The following CNOT6 variants were observed in gnomAD, a reference collection of about 807,000 sequenced individuals.
The protein encoded by CNOT6 is CCR4-NOT transcription complex subunit 6.
In CNOT6, 12 loss-of-function variants were observed where a neutral mutation model predicts 61.2. The ratio of observed to expected loss-of-function variants is 0.20; its 90% CI spans 0.13 to 0.32. CNOT6 has a LOEUF of 0.32. Among genes scored for constraint, CNOT6 ranks in the 10% least tolerant of loss-of-function variants. The probability of loss-of-function intolerance (pLI) is 1.00; values close to 1 mark genes in which losing one functional copy is unlikely to be tolerated. For synonymous variants in CNOT6, 225 were observed against 240.6 expected (o/e 0.94, Z 0.60); for missense variants, 405 against 663.9 (o/e 0.61, Z 4.28).
rs70973940 is a variant in CNOT6 at position 180,566,640 on chromosome 5, CTTTTTTTTTTTTT to C, written c.718-433_718-421del. On this transcript the variant is annotated intron_variant, in intron 7 of 11. Transcript: ENST00000261951. Reference sequence around the variant, plus strand: ...GATAAATAGTGTTGAAAAGATGTTACTTTTTTTTTTTTTTTTTTTTTTTTTTTGGGTGGTGGGG... The same window carrying C: ...GATAAATAGTGTTGAAAAGATGTTACTTTTTTTTTTTTTTGGGTGGTGGGG... Among the ~76,000 whole-genome samples, 24 of 75,592 alleles carry C rather than the reference CTTTTTTTTTTTTT, an allele frequency of 3.2e-4. No individual in the cohort carries two copies. The East Asian group carries it at 3.8e-3, about 12-fold the overall frequency. The allele number at this position is 75,592 out of a possible 152,430, so 49.6% of individuals were successfully genotyped here.
At chr5:180,517,122 A>C (rs1462381641) in intron 1 of CNOT6, among the ~76,000 whole-genome samples, 2 of 152,156 alleles carry the variant, frequency 1.3e-5, no homozygotes, top group African/African-American at 4.8e-5. Flanking sequence ...TATTCATCTA[A>C]TGCTTTTAAC....
intron 1 of CNOT6, among the ~76,000 whole-genome samples, chr5:180,506,060 G>A (rs1757122584): frequency 6.6e-6 from 1 of 152,192 alleles, no homozygotes; most frequent in Non-Finnish European, 1.5e-5. Flanking sequence ...GGTCTTGCAA[G>A]TGATAGAATT....
chr5:180,522,113 C>T (rs917478356), intron 1 of CNOT6, among the ~76,000 whole-genome samples: 4 of 151,798 alleles, frequency 2.6e-5, no homozygotes, highest in Admixed American at 6.6e-5. Context: ...TTATTTTTAT[C>T]TGTCTGTCTA....
rs907080893 is a variant in CNOT6 at position 180,494,914 on chromosome 5, C to T, written c.-3+151C>T. On this transcript the variant is annotated intron_variant, in intron 1 of 11. Transcript: ENST00000261951. Reference sequence around the variant, plus strand: ...TCCGCAAGCTGGCGGCTGTTGGGGGCCCCTTCGACGCGCCGCGATCGCGCC... The same window carrying T: ...TCCGCAAGCTGGCGGCTGTTGGGGGTCCCTTCGACGCGCCGCGATCGCGCC... Among the ~76,000 whole-genome samples the T allele has an allele frequency of 2.4e-4, 36 of 151,942 alleles. 1 individual carries two copies. Among genetic ancestry groups the T allele is most frequent in the Non-Finnish European group, 1.2e-4 (8 of 67,912 alleles).
In CNOT6 at chr5:180,571,230, G is replaced by A; in HGVS notation, c.1259G>A (p.Gly420Asp). 1 of 1,609,606 alleles carries A rather than the reference G, an allele frequency of 6.2e-7. No homozygotes were observed. Among genetic ancestry groups the A allele is most frequent in the Non-Finnish European group, 8.5e-7 (1 of 1,176,306 alleles). The change falls in exon 11 of 12, where the codon GGT becomes GAT. Residue 420 changes from glycine (G) to aspartate (D), a missense_variant and splice_region_variant. Physicochemically the swap from Gly to Asp is moderately conservative, Grantham distance 94. Around this residue, in one of 5 missense-constraint regions of CNOT6, gnomAD observed 116 missense variants for 184.6 expected, o/e 0.63. Coordinates refer to ENST00000261951, the MANE Select transcript of CNOT6 (RefSeq NM_001370472.1). The stretch of plus-strand genomic sequence containing the variant: ...ATAAAAAAATTTGTCTTCATTGTAG[G>A]TGTTGTAGAATATTTGAGCACAGGT... ...CADLNSLPDS[G>D]VVEYLSTGGV...
chr5:180,544,487 G>A (rs985757030), intron 2 of CNOT6, among the ~76,000 whole-genome samples: 4 of 152,118 alleles, frequency 2.6e-5, no homozygotes, highest in Non-Finnish European at 4.4e-5. Context: ...GTAGGCATCC[G>A]AGTTCTCCTT....
At chr5:180,550,470 A>G (rs1321926180) in intron 3 of CNOT6, among the ~76,000 whole-genome samples, 1 of 152,126 alleles carries the variant, frequency 6.6e-6, no homozygotes, top group Non-Finnish European at 1.5e-5. Context: ...AAAACAAAAA[A>G]ACATTTGTTG....
intron 4 of CNOT6, among the ~76,000 whole-genome samples, chr5:180,553,672 C>T (rs1357084444): frequency 6.6e-6 from 1 of 151,414 alleles, no homozygotes; most frequent in African/African-American, 2.4e-5. Context: ...TTTTTTTTTG[C>T]TCCGGACCCA....
chr5:180,495,263 T>A (rs980476453), intron 1 of CNOT6, among the ~76,000 whole-genome samples: 4 of 152,234 alleles, frequency 2.6e-5, no homozygotes, highest in Admixed American at 6.5e-5. Context: ...ACGCAGATTT[T>A]GAGGGAGAGG....
At chr5:180,555,672 C>T (rs992570498) in intron 4 of CNOT6, among the ~76,000 whole-genome samples, 1 of 152,202 alleles carries the variant, frequency 6.6e-6, no homozygotes, top group Non-Finnish European at 1.5e-5. Context: ...AGAGCTGCTG[C>T]TTTACTTCTT....
chr5:180,517,183 G>T (rs1172388219), intron 1 of CNOT6, among the ~76,000 whole-genome samples: 1 of 152,080 alleles, frequency 6.6e-6, no homozygotes, highest in Non-Finnish European at 1.5e-5. Flanking sequence ...TTTCGCTCAG[G>T]CTGGAGCGCA....
At chr5:180,572,744 C>T (rs1026105500) in intron 11 of CNOT6, among the ~76,000 whole-genome samples, 4 of 151,454 alleles carry the variant, frequency 2.6e-5, no homozygotes, top group Non-Finnish European at 5.9e-5. Context: ...TTTGTAAAGA[C>T]AAGGTTTTGC....
chr5:180,525,043 A>C (rs1457558151), intron 1 of CNOT6, among the ~76,000 whole-genome samples: 1 of 151,028 alleles, frequency 6.6e-6, no homozygotes, highest in Non-Finnish European at 1.5e-5. Flanking sequence ...TCTAGACAGA[A>C]GGAGCACTTC....
intron 1 of CNOT6, among the ~76,000 whole-genome samples, chr5:180,519,307 A>T (rs558059194): frequency 6.6e-6 from 1 of 152,354 alleles, no homozygotes; most frequent in African/African-American, 2.4e-5. Flanking sequence ...GGACACTGCC[A>T]TTTTGAGGAA....
At chr5:180,553,805 T>G (rs1759736204) in intron 4 of CNOT6, among the ~76,000 whole-genome samples, 1 of 152,172 alleles carries the variant, frequency 6.6e-6, no homozygotes, top group African/African-American at 2.4e-5. Context: ...TCAAAAAACA[T>G]GGAGCCTCTC....
intron 1 of CNOT6, 75 bp from the exon 2 acceptor site, chr5:180,529,197 CAAA>C (rs71591495): frequency 2.6e-3 from 1,505 of 576,646 alleles, no homozygotes; most frequent in East Asian, 3.6e-3. Flanking sequence ...GACTTCGTCT[CAAA>C]AAAAAAAAAA....
intron 1 of CNOT6, among the ~76,000 whole-genome samples, chr5:180,496,318 A>G (rs1756613061): frequency 6.6e-6 from 1 of 152,210 alleles, no homozygotes; most frequent in African/African-American, 2.4e-5. Context: ...ATACATGAAC[A>G]GCTGCTAATG....
At chr5:180,553,171 A>G (rs192739058) in intron 3 of CNOT6, among the ~76,000 whole-genome samples, 37 of 151,214 alleles carry the variant, frequency 2.4e-4, no homozygotes, top group Admixed American at 1.5e-3. Flanking sequence ...CTTTTCCCCC[A>G]TTATTTCATT....
intron 1 of CNOT6, among the ~76,000 whole-genome samples, chr5:180,502,327 TA>T (rs1163537668): frequency 1.3e-5 from 2 of 152,240 alleles, no homozygotes; most frequent in Non-Finnish European, 2.9e-5. Context: ...TTATCTGATG[TA>T]AAATCATAAT....
Sources: allele counts gnomAD v4.1 joint callset (sites outside exome capture counted in the v4.1 genomes callset), GRCh38; gene constraint gnomAD v4.1.1; regional missense constraint gnomAD v4.1.1; transcripts MANE v1.5; gene names NCBI Gene and HGNC (gene_info 2026-07-23, HGNC 2026-07-21).